Variants in TASOR2 observed in about 807,000 individuals in gnomAD.
TASOR2 encodes transcription activation suppressor family member 2.
Under a neutral mutation model 199.5 loss-of-function variants are expected in TASOR2, and 84 were observed. That is an observed-to-expected ratio of 0.42 (90% CI 0.35 to 0.50). The LOEUF is 0.50. TASOR2 is among the 20% of genes least tolerant of loss of function. TASOR2 has a pLI of 0.02. For missense variants in TASOR2, 2,796 were observed against 2,835.9 expected, an observed-to-expected ratio of 0.99 and a Z score of 0.32; for synonymous variants, 1,103 against 1,046.6, an observed-to-expected ratio of 1.05 and a Z score of -1.04.
chr10:5,702,239 CTGT>C (rs1837956605), intron 1 of TASOR2, among the ~76,000 whole-genome samples: 1 of 152,072 alleles, frequency 6.6e-6, no homozygotes, highest in East Asian at 1.9e-4. Flanking sequence ...GTTCTTAGTT[CTGT>C]TAATATATCA....
rs1048747787 is a variant in TASOR2, at chr10:5,690,721, C to T, written c.-288+5546C>T. On this transcript the variant is annotated intron_variant, in intron 1 of 20. Transcript: ENST00000328090. The surrounding 1 kb of genome is among the most constrained non-coding windows in gnomAD (Gnocchi z 4.8). ...ACAAAACTACTTAACAGTGTGTATC[C>T]TTGCAATAAGTATATTAATGAATAC... Among the ~76,000 whole-genome samples the T allele has an allele frequency of 6.6e-6, 1 of 152,058 alleles. No individual in the cohort carries two copies. The highest frequency in any genetic ancestry group is 2.4e-5 in the African/African-American group (1 of 41,404).
exon 15 of TASOR2, chr10:5,749,369 C>T: frequency 6.2e-7 from 1 of 1,614,210 alleles, no homozygotes; most frequent in Non-Finnish European, 8.5e-7. Flanking sequence ...CTGCGTTTTG[C>T]ACATAAACTA....
chr10:5,745,791 AT>A (rs1837103305), intron 14 of TASOR2, among the ~76,000 whole-genome samples: 1 of 152,124 alleles, frequency 6.6e-6, no homozygotes, highest in African/African-American at 2.4e-5. Flanking sequence ...AAAAAAAAAA[AT>A]TAATCTCATT....
intron 16 of TASOR2, 133 bp downstream of exon 17, chr10:5,756,871 A>T (rs1467915667): frequency 1.6e-5 from 14 of 899,596 alleles, no homozygotes; most frequent in Non-Finnish European, 2.0e-5. Context: ...AAGTGGGAAG[A>T]TGGTGTATTA....
rs542747277 is a variant in TASOR2, at chr10:5,713,325, G to A, written c.-192+407G>A. 5.3e-5 allele frequency among the ~76,000 whole-genome samples: 8 copies of A among 152,004 alleles called. No homozygotes were observed. In the South Asian group the frequency reaches 1.7e-3, roughly 32 times the overall value. The stretch of plus-strand genomic sequence containing the variant: ...AAATCATGTAACTTAATAAACTTTG[G>A]CATCCTGGTTAACTGAAATTGCTTC... On this transcript the variant is annotated intron_variant, in intron 2 of 20. Coordinates refer to ENST00000328090, the Ensembl canonical transcript of TASOR2.
intron 10 of TASOR2, among the ~76,000 whole-genome samples, chr10:5,728,375 C>T (rs1286253698): frequency 6.6e-6 from 1 of 152,106 alleles, no homozygotes; most frequent in African/African-American, 2.4e-5. Flanking sequence ...GGGTGGCTCA[C>T]GCCTGTAATC....
rs529193723 is a variant in TASOR2 at position 5,704,305 on chromosome 10, A to G, written c.-287-8518A>G. On this transcript the variant is annotated intron_variant, in intron 1 of 20. Coordinates refer to ENST00000328090, the Ensembl canonical transcript of TASOR2. ...TTCTGGGCTTGAGACTTACATACCT[A>G]TAACAACTAACTCTACCACTTATTT... Among the ~76,000 whole-genome samples the G allele has an allele frequency of 9.2e-5, 14 of 152,058 alleles. No homozygotes were observed. In the South Asian group the frequency reaches 2.9e-3, roughly 32 times the overall value.
exon 15 of TASOR2, chr10:5,747,194 T>G: frequency 6.2e-7 from 1 of 1,614,056 alleles, no homozygotes. Flanking sequence ...TTTGATTCAG[T>G]ATTTATCAAA....
At chr10:5,749,757 C>T (rs773590688) in exon 15 of TASOR2, 84 of 1,614,154 alleles carry the variant, frequency 5.2e-5, no homozygotes, top group Non-Finnish European at 6.8e-5. Flanking sequence ...CACTTATTCT[C>T]AATGAGTATG....
intron 17 of TASOR2, 84 bp downstream of exon 18, chr10:5,757,757 A>G: frequency 6.9e-7 from 1 of 1,452,172 alleles, no homozygotes; most frequent in Non-Finnish European, 9.5e-7. Context: ...CATCCAAAAG[A>G]AATGATCAAC....
rs1392955871 is a variant in TASOR2 at position 5,748,981 on chromosome 10, A to G, written c.5560A>G (p.Ser1854Gly). The change falls in exon 15 of 21, where the codon AGT becomes GGT. Residue 1854 changes from serine to glycine, a missense_variant. Coordinates refer to ENST00000328090, the Ensembl canonical transcript of TASOR2. The surrounding 1 kb of genome is among the most constrained non-coding windows in gnomAD (Gnocchi z 5.1). The stretch of plus-strand genomic sequence containing the variant: ...GGAGGATTCTTATACTTTAAGAGGT[A>G]GTTACACCAGGAAAAAAGATGTTCC... The G allele has an allele frequency of 6.2e-7, 1 of 1,614,144 alleles. No homozygotes were observed. The highest frequency in any genetic ancestry group is 1.7e-5 in the Admixed American group (1 of 60,016).
chr10:5,743,893 T>C (rs1836784619), intron 14 of TASOR2: 1 of 24,410 alleles, frequency 4.1e-5, no homozygotes, highest in South Asian at 2.0e-3. Flanking sequence ...GTGCCTGTAC[T>C]TGAAAGGCAC....
In TASOR2 at chr10:5,742,007, G is replaced by C. The variant is rs991131644; in HGVS notation, c.2328-90G>C. 4 of 1,208,070 alleles carry C rather than the reference G, an allele frequency of 3.3e-6. No individual in the cohort carries two copies. The African/African-American group carries it at 6.2e-5, about 19-fold the overall frequency. The allele number at this position is 1,208,070 out of a possible 1,614,324, so 74.8% of individuals were successfully genotyped here. ...TTTTAAAAATAAAAACAAAAACTAA[G>C]GAATATTGGAGGCACTTGCTTATGA... On this transcript the variant is annotated intron_variant, in intron 13 of 20. Coordinates refer to ENST00000328090, the Ensembl canonical transcript of TASOR2. This position sits in a 1 kb window ranked among gnomAD's most constrained non-coding sequence, Gnocchi z 4.2.
chr10:5,758,752 CAG>C, intron 17 of TASOR2, 133 bp from the exon 19 acceptor site: 1 of 640,688 alleles, frequency 1.6e-6, no homozygotes, highest in South Asian at 1.9e-5. Flanking sequence ...ACATAAGTGA[CAG>C]TGATGGTGTG....
At chr10:5,724,367 A>T in intron 7 of TASOR2, 63 bp from the exon 9 acceptor site, 1 of 745,982 alleles carries the variant, frequency 1.3e-6, no homozygotes, top group Non-Finnish European at 2.1e-6. Flanking sequence ...AAATGAACAA[A>T]TTGACTGTAA....
chr10:5,753,898 C>G (rs554227217), intron 15 of TASOR2, among the ~76,000 whole-genome samples: 4 of 152,278 alleles, frequency 2.6e-5, no homozygotes, highest in African/African-American at 9.6e-5. Context: ...AATTATACAT[C>G]CTCTACCCTG....
chr10:5,730,045 C>G lies in TASOR2; in HGVS notation c.488-442C>G, dbSNP rs573272799. Among the ~76,000 whole-genome samples the G allele has an allele frequency of 2.4e-4, 37 of 152,250 alleles. No individual in the cohort carries two copies. Among genetic ancestry groups the G allele is most frequent in the Non-Finnish European group, 3.7e-4 (25 of 68,014 alleles). On this transcript the variant is annotated intron_variant, in intron 10 of 20. Transcript: ENST00000328090. This position sits in a 1 kb window ranked among gnomAD's most constrained non-coding sequence, Gnocchi z 4.1. ...CAGTTCAGTTGACTTGCACTAACTT[C>G]TGAAAAGAATTTGAAGTGAGTTCAG...
At chr10:5,735,229 AAAC>A in intron 11 of TASOR2, 72 bp from the exon 13 acceptor site, 1 of 1,535,212 alleles carries the variant, frequency 6.5e-7, no homozygotes, top group Middle Eastern at 1.7e-4. Flanking sequence ...AAACAAAACA[AAAC>A]AAAAAATGGA....
rs761262778 is a variant in TASOR2 at position 5,748,734 on chromosome 10, T to A, written c.5313T>A (p.Pro1771=). Residue 1771 remains proline, a synonymous_variant, in exon 15 of 21, where the codon CCT becomes CCA. Transcript: ENST00000328090. The surrounding 1 kb of genome is among the most constrained non-coding windows in gnomAD (Gnocchi z 5.1). ...CCAAGGAAAACCTCAGTAAAGAGCC[T>A]TTGGCCTCCTTTGTTTCAGAATCCT... The A allele has an allele frequency of 1.2e-6, 2 of 1,614,078 alleles. No homozygotes were observed. The highest frequency in any genetic ancestry group is 4.5e-5 in the East Asian group (2 of 44,894).
Sources: allele counts gnomAD v4.1 joint callset (sites outside exome capture counted in the v4.1 genomes callset), GRCh38; gene constraint gnomAD v4.1.1; non-coding constraint Gnocchi (gnomAD v3.1); transcripts MANE v1.5; gene names NCBI Gene and HGNC (gene_info 2026-07-23, HGNC 2026-07-21).